Variants in PLAAT5 observed in about 807,000 individuals in gnomAD.
PLAAT5 encodes the protein phospholipase A and acyltransferase 5, also known as Ca(2+)-independent N-acyltransferase.
A neutral mutation model predicts 27.8 loss-of-function variants in PLAAT5; 27 were observed. The ratio of observed to expected loss-of-function variants is 0.97; its 90% CI spans 0.72 to 1.34. The LOEUF (loss-of-function observed/expected upper bound fraction) is 1.34. Among genes scored for constraint, PLAAT5 ranks in the 40% most tolerant of loss-of-function variants. PLAAT5 has a pLI of 0.00. For missense variants in PLAAT5, 368 were observed against 343.8 expected (o/e 1.07, Z -0.56); for synonymous variants, 125 against 136.1 (o/e 0.92, Z 0.57).
chr11:63,480,184 C>T (rs953300324), intron 3 of PLAAT5, among the ~76,000 whole-genome samples: 4 of 152,236 alleles, frequency 2.6e-5, no homozygotes, highest in African/African-American at 9.6e-5. Context: ...TTACTTCCCA[C>T]TCAACATGGC....
In PLAAT5 at chr11:63,483,775, CA is replaced by C. The variant is rs1219483123; in HGVS notation, c.345+5095del. Among the ~76,000 whole-genome samples the C allele has an allele frequency of 8.7e-3, 242 of 27,748 alleles. 1 individual carries two copies. The highest frequency in any genetic ancestry group is 0.068 in the Middle Eastern group (3 of 44). The allele number at this position is 27,748 out of a possible 152,430, so 18.2% of individuals were successfully genotyped here. On this transcript the variant is annotated intron_variant, in intron 3 of 5. Transcript: ENST00000540857. Reference sequence around the variant, plus strand: ...AGAGCAGAAGTAAATGAAATTGAAGCAAAAAAAAAATATATATATATATATG... The same window carrying C: ...AGAGCAGAAGTAAATGAAATTGAAGCAAAAAAAAATATATATATATATATG...
chr11:63,467,863 A>G lies in PLAAT5; in HGVS notation c.454+494T>C, dbSNP rs149043311. ...CTGTGAGAAATGAAAAGAGGGCTGT[A>G]TCTACATTTAGGGTGAAACAGCAAG... On this transcript the variant is annotated intron_variant, in intron 4 of 5. Transcript: ENST00000540857. Among the ~76,000 whole-genome samples the G allele has an allele frequency of 6.6e-5, 10 of 152,354 alleles. No individual in the cohort carries two copies. The East Asian group carries it at 1.5e-3, about 23-fold the overall frequency.
intron 3 of PLAAT5, among the ~76,000 whole-genome samples, chr11:63,487,205 G>A (rs777597966): frequency 4.6e-5 from 7 of 152,068 alleles, no homozygotes; most frequent in Admixed American, 2.6e-4. Context: ...ATCTGATGAC[G>A]TACTTGTATA....
At position 63,474,928 on chromosome 11, in the gene PLAAT5, T is replaced by A. The variant is rs1032699812; in HGVS notation, c.346-6463A>T. Among the ~76,000 whole-genome samples, 5 of 152,080 alleles carry A rather than the reference T, an allele frequency of 3.3e-5. No individual in the cohort carries two copies. The South Asian group carries it at 1.0e-3, about 32-fold the overall frequency. ...TTTTTGACCATGGGTTATTTAGATGTATGTTGCTTAATTTCCAAATACTTG... is the reference window on the plus strand; with the variant it reads ...TTTTTGACCATGGGTTATTTAGATGAATGTTGCTTAATTTCCAAATACTTG... On this transcript the variant is annotated intron_variant, in intron 3 of 5. Transcript: ENST00000540857.
At chr11:63,490,615 C>G in intron 1 of PLAAT5, 1 of 609,320 alleles carries the variant, frequency 1.6e-6, no homozygotes, top group Non-Finnish European at 2.9e-6. Flanking sequence ...TGGGAGGAAC[C>G]TCTGCCGAGC....
chr11:63,468,143 C>T (rs1420359740), intron 4 of PLAAT5, among the ~76,000 whole-genome samples: 1 of 152,178 alleles, frequency 6.6e-6, no homozygotes, highest in Non-Finnish European at 1.5e-5. Context: ...TTGGGCCACG[C>T]TCTTTACACT....
At chr11:63,479,109 C>A (rs1435349411) in intron 3 of PLAAT5, among the ~76,000 whole-genome samples, 1 of 152,144 alleles carries the variant, frequency 6.6e-6, no homozygotes, top group Non-Finnish European at 1.5e-5. Context: ...GGGATATCCC[C>A]CACCATAAAT....
At chr11:63,484,559 T>C (rs2016389401) in intron 3 of PLAAT5, among the ~76,000 whole-genome samples, 1 of 152,074 alleles carries the variant, frequency 6.6e-6, no homozygotes, top group Admixed American at 6.6e-5. Context: ...ATTATCTCAA[T>C]AGACACAGAA....
intron 3 of PLAAT5, among the ~76,000 whole-genome samples, chr11:63,480,609 C>T (rs779538913): frequency 6.6e-6 from 1 of 152,170 alleles, no homozygotes; most frequent in African/African-American, 2.4e-5. Context: ...AAATTGAAAT[C>T]GCCTGTGGAG....
chr11:63,474,349 A>T (rs2016103566), intron 3 of PLAAT5, among the ~76,000 whole-genome samples: 1 of 152,162 alleles, frequency 6.6e-6, no homozygotes, highest in Non-Finnish European at 1.5e-5. Flanking sequence ...CTTTGTGAAA[A>T]GATTTTTATT....
At chr11:63,464,512 T>C (rs997045598) in intron 5 of PLAAT5, among the ~76,000 whole-genome samples, 4 of 151,868 alleles carry the variant, frequency 2.6e-5, no homozygotes, top group African/African-American at 7.3e-5. Context: ...AAAAATTAGC[T>C]GGGCATGGTG....
intron 5 of PLAAT5, 101 bp downstream of exon 5, chr11:63,466,009 T>C: frequency 8.1e-7 from 1 of 1,237,540 alleles, no homozygotes; most frequent in Admixed American, 2.2e-5. Flanking sequence ...GTATAACGAA[T>C]AATATAATGA....
chr11:63,480,771 C>T (rs1469236464), intron 3 of PLAAT5, among the ~76,000 whole-genome samples: 1 of 152,136 alleles, frequency 6.6e-6, no homozygotes, highest in African/African-American at 2.4e-5. Flanking sequence ...TAACATCTCT[C>T]CAGCATTTCA....
intron 1 of PLAAT5, 109 bp downstream of exon 1, chr11:63,490,778 G>A: frequency 1.9e-6 from 2 of 1,052,144 alleles, no homozygotes; most frequent in Non-Finnish European, 2.7e-6. Flanking sequence ...ATGGCTAACA[G>A]ACAACACAAT....
At chr11:63,483,784 A>AAAATAT (rs1397719113) in intron 3 of PLAAT5, among the ~76,000 whole-genome samples, 10 of 65,676 alleles carry the variant, frequency 1.5e-4, no homozygotes, top group African/African-American at 9.8e-4. Flanking sequence ...GCAAAAAAAA[A>AAAATAT]ATATATATAT....
intron 3 of PLAAT5, among the ~76,000 whole-genome samples, chr11:63,472,267 T>C (rs1432860916): frequency 6.6e-6 from 1 of 152,028 alleles, no homozygotes; most frequent in Admixed American, 6.5e-5. Context: ...GTTAAGTAAA[T>C]AATCCTATAT....
chr11:63,490,866 A>C, intron 1 of PLAAT5, 21 bp downstream of exon 1: 1 of 1,591,920 alleles, frequency 6.3e-7, no homozygotes, highest in Non-Finnish European at 8.5e-7. Flanking sequence ...ATTGTCCTTC[A>C]GCCGCATTCT....
chr11:63,473,072 T>C (rs975763439), intron 3 of PLAAT5, among the ~76,000 whole-genome samples: 1 of 151,872 alleles, frequency 6.6e-6, no homozygotes, highest in Non-Finnish European at 1.5e-5. Context: ...ATCGTGCCAC[T>C]GCACCACCGC....
In PLAAT5 at chr11:63,462,799, A is replaced by G. The variant is rs573790490; in HGVS notation, c.*704T>C. On this transcript the variant is annotated 3_prime_UTR_variant, in exon 6 of 6. Transcript: ENST00000540857. ...AAATTATTTTAAATATTCATCTGAA[A>G]TCAGTGAGACTAGAAACTTCACATT... 2.0e-5 allele frequency: 3 copies of G among 152,372 alleles called. No individual in the cohort carries two copies. In the East Asian group the frequency reaches 5.8e-4, roughly 29 times the overall value. 9.4% of individuals were successfully genotyped at this position (152,372 alleles called of 1,614,324 possible).
Sources: gnomAD v4.1 joint callset for allele counts (sites outside exome capture counted in the v4.1 genomes callset) on GRCh38, gnomAD v4.1.1 for gene constraint, MANE v1.5 for transcripts, NCBI Gene and HGNC (gene_info 2026-07-23, HGNC 2026-07-21) for gene names.